The following PNKD variants were observed in gnomAD, a reference collection of about 807,000 sequenced individuals.
PNKD encodes PNKD metallo-beta-lactamase domain containing, also known as probable thioesterase PNKD.
Under a neutral mutation model 45.3 loss-of-function variants are expected in PNKD, and 36 were observed. The observed-to-expected ratio is 0.80, with a 90% confidence interval of 0.61 to 1.05. The LOEUF is 1.05. Ranked by LOEUF, PNKD falls within the 50% of genes least tolerant of loss-of-function variation. The pLI is 0.00. For missense variants in PNKD, 511 were observed against 506.6 expected (o/e 1.01, Z -0.08); for synonymous variants, 197 against 210.1 (o/e 0.94, Z 0.54).
At chr2:218,272,509 C>T in intron 2 of PNKD, 4 of 1,529,452 alleles carry the variant, frequency 2.6e-6, no homozygotes, top group African/African-American at 2.7e-5. Flanking sequence ...TGACTCCCCC[C>T]AGCTCCTCTG....
intron 2 of PNKD, among the ~76,000 whole-genome samples, chr2:218,319,008 G>A (rs1693902160): frequency 7.3e-6 from 1 of 137,808 alleles, no homozygotes; most frequent in Non-Finnish European, 1.5e-5. Context: ...AGGCTGGAGT[G>A]CAATGGTATG....
chr2:218,278,463 C>T (rs776266698), intron 2 of PNKD: 4 of 1,571,990 alleles, frequency 2.5e-6, no homozygotes, highest in Non-Finnish European at 3.5e-6. Context: ...ATACTCGGCC[C>T]CCATCCCAAT....
At chr2:218,323,290 C>T (rs755795282) in intron 2 of PNKD, 149 of 1,551,488 alleles carry the variant, frequency 9.6e-5, no homozygotes, top group Non-Finnish European at 1.1e-4. Context: ...GGCTGGCCCG[C>T]GGCGTGGCAG....
At chr2:218,323,499 CG>C in intron 2 of PNKD, 2 of 222,666 alleles carry the variant, frequency 9.0e-6, no homozygotes, top group Admixed American at 9.0e-5. Flanking sequence ...GACTGGGAGG[CG>C]GGGGCTGGAG....
chr2:218,300,005 C>A (rs1429856803), intron 2 of PNKD, among the ~76,000 whole-genome samples: 2 of 152,142 alleles, frequency 1.3e-5, no homozygotes, highest in Non-Finnish European at 2.9e-5. Flanking sequence ...GATCCACCTG[C>A]CTCAGCCTCC....
At chr2:218,282,179 G>C in intron 2 of PNKD, 1 of 1,418,064 alleles carries the variant, frequency 7.1e-7, no homozygotes, top group Non-Finnish European at 9.3e-7. Flanking sequence ...CAGCTGCTGG[G>C]ACCTGAAATG....
chr2:218,305,961 T>C (rs1009500367), intron 2 of PNKD, among the ~76,000 whole-genome samples: 4 of 152,180 alleles, frequency 2.6e-5, no homozygotes, highest in Non-Finnish European at 4.4e-5. Flanking sequence ...ACTCCCTAGA[T>C]TGAGAATTGG....
At position 218,297,347 on chromosome 2, in the gene PNKD, G is replaced by A. The variant is rs115144370; in HGVS notation, c.236+25798G>A. On this transcript the variant is annotated intron_variant, in intron 2 of 9. Coordinates refer to ENST00000273077, the MANE Select transcript of PNKD (RefSeq NM_015488.5). ...GAAGTGAAGTTTTGTTCCAGCTTTG[G>A]CACTAAAGGACTGTGAGGCCGGGGG... is the stretch of plus-strand genomic sequence containing the variant. 4.4e-3 allele frequency among the ~76,000 whole-genome samples: 677 copies of A among 152,268 alleles called. 7 individuals carry two copies. Among genetic ancestry groups the A allele is most frequent in the African/African-American group, 0.015 (630 of 41,558 alleles).
At chr2:218,270,951 A>C in intron 1 of PNKD, 1 of 330,674 alleles carries the variant, frequency 3.0e-6, no homozygotes, top group Non-Finnish European at 5.5e-6. Flanking sequence ...CCTTGGGCAA[A>C]GCAGTTTTTC....
chr2:218,276,176 T>C (rs1691189053), intron 2 of PNKD: 1 of 1,357,362 alleles, frequency 7.4e-7, no homozygotes, highest in Non-Finnish European at 1.0e-6. Context: ...TGAGAGTGGG[T>C]AGAGCTGGGA....
At chr2:218,281,615 G>A (rs1346460319) in intron 2 of PNKD, among the ~76,000 whole-genome samples, 2 of 152,192 alleles carry the variant, frequency 1.3e-5, no homozygotes, top group Non-Finnish European at 2.9e-5. Context: ...CTTGTTGGCC[G>A]CTTGTTGGGA....
rs17551724 is a variant in PNKD at position 218,293,199 on chromosome 2, G to A, written c.236+21650G>A. 3.4e-3 allele frequency among the ~76,000 whole-genome samples: 523 copies of A among 152,370 alleles called. 5 individuals are homozygous for A. The highest frequency in any genetic ancestry group is 9.7e-3 in the African/African-American group (404 of 41,584). ...GAATTCAGAAGTCCTACATTGAGAT[G>A]TAGATTACTACTGTTAGGTAGGTCT... On this transcript the variant is annotated intron_variant, in intron 2 of 9. Transcript: ENST00000273077.
chr2:218,340,143 T>G lies in PNKD; in HGVS notation c.465+2T>G, dbSNP rs1230004320. 3.8e-6 allele frequency: 6 copies of G among 1,597,304 alleles called. No homozygotes were observed. Among genetic ancestry groups the G allele is most frequent in the Non-Finnish European group, 5.1e-6 (6 of 1,165,686 alleles). On this transcript the variant is annotated splice_donor_variant, in intron 4 of 9. Transcript: ENST00000273077. LOFTEE classifies it high-confidence loss of function. This position sits in a 1 kb window ranked among gnomAD's most constrained non-coding sequence, Gnocchi z 4.2. Reference sequence around the variant, plus strand: ...CCTTCAGACCCTCGGGCTGTGCAGGTGAGGGGAGGGCAGGGAGCAGGGGGT... The same window carrying G: ...CCTTCAGACCCTCGGGCTGTGCAGGGGAGGGGAGGGCAGGGAGCAGGGGGT...
Position 218,340,581 on chromosome 2 carries a change from C to T in PNKD, c.466-147C>T. ...TGCCCCGTGCTTCACATTCCTGGAT[C>T]TCTCCCCTCCAGCTCCATCCCTTTC... On this transcript the variant is annotated intron_variant, in intron 4 of 9. Transcript: ENST00000273077. This position sits in a 1 kb window ranked among gnomAD's most constrained non-coding sequence, Gnocchi z 4.2. 1.4e-6 allele frequency: 1 copy of T among 720,948 alleles called. No homozygotes were observed. Among genetic ancestry groups the T allele is most frequent in the African/African-American group, 1.7e-5 (1 of 58,092 alleles). 44.7% of individuals were successfully genotyped at this position (720,948 alleles called of 1,614,324 possible). A position where few individuals can be genotyped will look rare whatever the true frequency, so the allele number is the denominator to read the frequency against.
chr2:218,342,997 G>A (rs1206848441), intron 7 of PNKD, among the ~76,000 whole-genome samples: 1 of 152,234 alleles, frequency 6.6e-6, no homozygotes, highest in African/African-American at 2.4e-5. Flanking sequence ...CCAGCTGCGG[G>A]ACAGAATGGG....
At chr2:218,313,762 A>C (rs985373001) in intron 2 of PNKD, among the ~76,000 whole-genome samples, 1 of 152,132 alleles carries the variant, frequency 6.6e-6, no homozygotes, top group South Asian at 2.1e-4. Context: ...AAATTATACA[A>C]ATTTGATGTC....
At chr2:218,325,861 T>A (rs561921498) in intron 2 of PNKD, among the ~76,000 whole-genome samples, 1 of 152,322 alleles carries the variant, frequency 6.6e-6, no homozygotes, top group African/African-American at 2.4e-5. Flanking sequence ...TGCTTTGGAA[T>A]CCACTCCTCA....
intron 2 of PNKD, among the ~76,000 whole-genome samples, chr2:218,288,098 G>A (rs188852475): frequency 6.6e-6 from 1 of 152,354 alleles, no homozygotes; most frequent in Non-Finnish European, 1.5e-5. Flanking sequence ...AGGGGAAAGA[G>A]ACAGACAAAG....
chr2:218,302,246 G>A (rs1273601916), intron 2 of PNKD, among the ~76,000 whole-genome samples: 1 of 152,180 alleles, frequency 6.6e-6, no homozygotes, highest in Non-Finnish European at 1.5e-5. Context: ...TACTCGGGAG[G>A]CTGAGGCAGG....
Sources: allele counts gnomAD v4.1 joint callset (sites outside exome capture counted in the v4.1 genomes callset), GRCh38; gene constraint gnomAD v4.1.1; non-coding constraint Gnocchi (gnomAD v3.1); transcripts MANE v1.5; gene names NCBI Gene and HGNC (gene_info 2026-07-23, HGNC 2026-07-21).